The following DUSP5 variants were observed in gnomAD, a reference collection of about 807,000 sequenced individuals.
DUSP5 encodes the protein dual specificity protein phosphatase 5.
A neutral mutation model predicts 33.6 loss-of-function variants in DUSP5; 22 were observed. The observed-to-expected ratio is 0.66, with a 90% CI of 0.47 to 0.94. The LOEUF (loss-of-function observed/expected upper bound fraction) is 0.94, where lower values mean the gene tolerates loss of function less well. DUSP5 is among the 40% of genes least tolerant of loss of function. The pLI, the probability that DUSP5 is intolerant of heterozygous loss-of-function variation, is 0.00. For missense variants in DUSP5, 551 were observed against 522.1 expected (o/e 1.06, Z -0.54); for synonymous variants, 270 against 231.1 (o/e 1.17, Z -1.53).
chr10:110,498,480 C>G lies in DUSP5; in HGVS notation c.359C>G (p.Pro120Arg). 1 of 1,543,124 alleles carries G rather than the reference C, an allele frequency of 6.5e-7. No individual in the cohort carries two copies. The highest frequency in any genetic ancestry group is 8.7e-7 in the Non-Finnish European group (1 of 1,154,128). The change falls in exon 1 of 4, where the codon CCG becomes CGG. Residue 120 changes from proline (P) to arginine (R), a missense_variant. Physicochemically the swap from Pro to Arg is moderately radical, Grantham distance 103. This residue lies in a region of DUSP5 where 381 missense variants were observed against 310.4 expected (regional missense o/e 1.23). Transcript: ENST00000369583. ...TSLLACLPAG[P>R]RVYFLKGGYE... ...CTACTCGCTTGCCTACCCGCCGGCCCGCGGGTCTACTTCCTCAAAGGTGAG... is the reference window on the plus strand; with the variant it reads ...CTACTCGCTTGCCTACCCGCCGGCCGGCGGGTCTACTTCCTCAAAGGTGAG...
chr10:110,510,170 T>G lies in DUSP5; in HGVS notation c.899T>G (p.Val300Gly). Residue 300 changes from valine (V) to glycine (G), a missense_variant, in exon 4 of 4, where the codon GTC becomes GGC. Transcript: ENST00000369583. ...FDYIKQRRSM[V>G]SPNFGFMGQL... ...TACATCAAGCAGAGGAGGAGCATGGTCTCGCCCAACTTTGGCTTCATGGGC... is the reference window on the plus strand; with the variant it reads ...TACATCAAGCAGAGGAGGAGCATGGGCTCGCCCAACTTTGGCTTCATGGGC... 1 of 1,614,192 alleles carries G rather than the reference T, an allele frequency of 6.2e-7. No homozygotes were observed. The highest frequency in any genetic ancestry group is 8.5e-7 in the Non-Finnish European group (1 of 1,180,030).
intron 2 of DUSP5, among the ~76,000 whole-genome samples, chr10:110,505,458 T>C (rs192633961): frequency 7.5e-4 from 115 of 152,350 alleles, no homozygotes; most frequent in African/African-American, 2.4e-3. Flanking sequence ...TCTTGTGTAA[T>C]TTTCTTTCAA....
chr10:110,498,137 C>T lies in DUSP5; in HGVS notation c.16C>T (p.Leu6Phe). The T allele has an allele frequency of 6.9e-7, 1 of 1,444,256 alleles. No homozygotes were observed. The highest frequency in any genetic ancestry group is 1.5e-5 in the African/African-American group (1 of 67,644). The allele number at this position is 1,444,256 out of a possible 1,614,324, so 89.5% of individuals were successfully genotyped here. MKVTS[L>F]DGRQLRKMLR... ...CGGCGGCGGCATGAAGGTCACGTCG[C>T]TCGACGGGCGCCAGCTGCGCAAGAT... The change falls in exon 1 of 4, where the codon CTC becomes TTC. Residue 6 changes from leucine to phenylalanine, a missense_variant. Leu to Phe is a conservative substitution (Grantham distance 22). Transcript: ENST00000369583.
chr10:110,499,119 T>A (rs1209222171), intron 1 of DUSP5, among the ~76,000 whole-genome samples: 3 of 152,024 alleles, frequency 2.0e-5, no homozygotes, highest in African/African-American at 4.8e-5. Flanking sequence ...TTTCACCTCC[T>A]CCTTCCTCCG....
intron 3 of DUSP5, among the ~76,000 whole-genome samples, 180 bp from the exon 4 acceptor site, chr10:110,509,840 C>T (rs557748693): frequency 1.3e-5 from 2 of 152,180 alleles, no homozygotes. Flanking sequence ...GCTGGGACCC[C>T]AAAAGCTCTA....
rs911338086 is a variant in DUSP5, at chr10:110,507,094, G to A, written c.688G>A (p.Val230Met). ...CCACCTACACTACAAATGGATCCCTGTGGAAGACAGCCACACGGCTGACAT... is the reference window on the plus strand; with the variant it reads ...CCACCTACACTACAAATGGATCCCTATGGAAGACAGCCACACGGCTGACAT... The part of the protein sequence containing the change: ...ATHLHYKWIP[V>M]EDSHTADISS... Residue 230 changes from valine to methionine, a missense_variant, in exon 3 of 4, where the codon GTG (valine) becomes ATG (methionine). Physicochemically the swap from Val to Met is conservative, Grantham distance 21. This residue lies in a region of DUSP5 where 12 missense variants were observed against 29.9 expected (regional missense o/e 0.40). Transcript: ENST00000369583. The A allele has an allele frequency of 6.2e-7, 1 of 1,614,202 alleles. No homozygotes were observed. The highest frequency in any genetic ancestry group is 8.5e-7 in the Non-Finnish European group (1 of 1,180,040).
intron 3 of DUSP5, among the ~76,000 whole-genome samples, chr10:110,507,768 C>G (rs1018633308): frequency 6.6e-6 from 1 of 152,224 alleles, no homozygotes; most frequent in African/African-American, 2.4e-5. Context: ...ACCTGAAAAC[C>G]GAGGCCTTGG....
chr10:110,506,613 A>G (rs1026059996), intron 2 of DUSP5, among the ~76,000 whole-genome samples: 2 of 152,148 alleles, frequency 1.3e-5, no homozygotes, highest in Non-Finnish European at 2.9e-5. Flanking sequence ...AATTTTTCCC[A>G]TATTACCACA....
intron 2 of DUSP5, 148 bp downstream of exon 2, chr10:110,503,017 TTAGGGAGCTTCTG>T: frequency 9.2e-7 from 1 of 1,082,652 alleles, no homozygotes; most frequent in Non-Finnish European, 1.3e-6. Context: ...TCCCCTGGCT[TTAGGGAGCTTCTG>T]TTGCTTGCCA....
Position 110,498,166 on chromosome 10 carries a change from C to A in DUSP5, c.45C>A (p.Leu15=), listed in dbSNP as rs146970429. ...ACGGGCGCCAGCTGCGCAAGATGCT[C>A]CGCAAGGAGGCGGCGGCGCGCTGCG... ...SLDGRQLRKM[L]RKEAAARCVV... is the part of the protein sequence containing the mutation. The change falls in exon 1 of 4, where the codon CTC becomes CTA. Residue 15 remains leucine, a synonymous_variant. Coordinates refer to ENST00000369583, the MANE Select transcript of DUSP5 (RefSeq NM_004419.4). 19 of 1,485,420 alleles carry A rather than the reference C, an allele frequency of 1.3e-5. No homozygotes were observed. In the African/African-American group the frequency reaches 2.6e-4, roughly 21 times the overall value. The allele number at this position is 1,485,420 out of a possible 1,614,324, so 92.0% of individuals were successfully genotyped here.
At position 110,510,057 on chromosome 10, in the gene DUSP5, C is replaced by G. The variant is rs1860167342; in HGVS notation, c.786C>G (p.His262Gln). ...VREKGGKVLV[H>Q]CEAGISRSPT... ...AAAAGGGAGGCAAGGTCCTGGTCCA[C>G]TGTGAGGCTGGGATCTCCCGTTCAC... The change falls in exon 4 of 4, where the codon CAC becomes CAG. Residue 262 changes from histidine to glutamine, a missense_variant. Around this residue, in one of 3 missense-constraint regions of DUSP5, gnomAD observed 158 missense variants for 181.8 expected, o/e 0.87. Transcript: ENST00000369583. 6.2e-7 allele frequency: 1 copy of G among 1,612,118 alleles called. No homozygotes were observed. The highest frequency in any genetic ancestry group is 2.2e-5 in the East Asian group (1 of 44,852).
chr10:110,503,245 T>G (rs1860078860), intron 2 of DUSP5, among the ~76,000 whole-genome samples: 1 of 152,238 alleles, frequency 6.6e-6, no homozygotes, highest in South Asian at 2.1e-4. Flanking sequence ...CTTTCAGGCT[T>G]CCTGTGTTGC....
intron 2 of DUSP5, among the ~76,000 whole-genome samples, chr10:110,506,374 G>T (rs1200019360): frequency 6.6e-6 from 1 of 152,186 alleles, no homozygotes; most frequent in Non-Finnish European, 1.5e-5. Context: ...CAAGATTACA[G>T]TGAGCTATGA....
At chr10:110,502,608 T>A (rs746503443) in intron 1 of DUSP5, 113 bp from the exon 2 acceptor site, 461 of 1,312,162 alleles carry the variant, frequency 3.5e-4, no homozygotes, top group Non-Finnish European at 4.4e-4. Context: ...TGTACTGGCT[T>A]ATTTTTTTTC....
chr10:110,505,859 C>G (rs1272283368), intron 2 of DUSP5, among the ~76,000 whole-genome samples: 1 of 152,168 alleles, frequency 6.6e-6, no homozygotes, highest in African/African-American at 2.4e-5. Context: ...TCTGGTTCCC[C>G]CTTGACTAGA....
At chr10:110,504,667 C>T (rs1860097164) in intron 2 of DUSP5, among the ~76,000 whole-genome samples, 1 of 152,220 alleles carries the variant, frequency 6.6e-6, no homozygotes, top group African/African-American at 2.4e-5. Context: ...TGGTTTCTAG[C>T]TGGTGGGGAT....
chr10:110,507,770 A>G (rs1860136395), intron 3 of DUSP5, among the ~76,000 whole-genome samples: 1 of 152,220 alleles, frequency 6.6e-6, no homozygotes, highest in South Asian at 2.1e-4. Flanking sequence ...CTGAAAACCG[A>G]GGCCTTGGCC....
intron 1 of DUSP5, 147 bp downstream of exon 1, chr10:110,498,647 G>A: frequency 3.2e-6 from 4 of 1,248,418 alleles, no homozygotes; most frequent in Non-Finnish European, 4.1e-6. Flanking sequence ...GCTTGGGAGG[G>A]CACTGCAAAT....
At chr10:110,501,841 C>G (rs938651987) in intron 1 of DUSP5, among the ~76,000 whole-genome samples, 7 of 152,002 alleles carry the variant, frequency 4.6e-5, no homozygotes, top group Admixed American at 1.3e-4. Context: ...AGAAGGCTTA[C>G]TTATATTTGC....
Sources: gnomAD v4.1 joint callset for allele counts (sites outside exome capture counted in the v4.1 genomes callset) on GRCh38, gnomAD v4.1.1 for gene constraint, gnomAD v4.1.1 regional missense constraint, MANE v1.5 for transcripts, NCBI Gene and HGNC (gene_info 2026-07-23, HGNC 2026-07-21) for gene names.